The following CADM2 variants were observed in gnomAD, a reference collection of about 807,000 sequenced individuals.
CADM2 encodes the protein immunoglobulin superfamily member 4D.
CADM2 carries 12 observed loss-of-function variants against 49.8 expected under a neutral mutation model. The observed-to-expected ratio is 0.24, with a 90% CI of 0.15 to 0.39. The LOEUF is 0.39. Ranked by LOEUF, CADM2 falls within the 10% of genes least tolerant of loss-of-function variation. The pLI is 1.00. For missense variants in CADM2, 378 were observed against 492.3 expected (o/e 0.77, Z 2.20); for synonymous variants, 214 against 175.4 (o/e 1.22, Z -1.74).
At chr3:85,853,102 TA>T (rs1440961009) in intron 3 of CADM2, among the ~76,000 whole-genome samples, 1 of 151,336 alleles carries the variant, frequency 6.6e-6, no homozygotes, top group Non-Finnish European at 1.5e-5. Context: ...CAATCTTTCT[TA>T]AAAAAATTCT....
chr3:85,401,776 C>T (rs1055295455), intron 1 of CADM2, among the ~76,000 whole-genome samples: 1 of 152,064 alleles, frequency 6.6e-6, no homozygotes, highest in African/African-American at 2.4e-5. Flanking sequence ...CTCCCACCCC[C>T]GCCAAAAGTA....
intron 3 of CADM2, among the ~76,000 whole-genome samples, chr3:85,854,849 A>T (rs894190278): frequency 6.6e-6 from 1 of 152,138 alleles, no homozygotes; most frequent in Admixed American, 6.6e-5. Context: ...TCAGATCTCC[A>T]CCTGTCCTCC....
Position 85,255,945 on chromosome 3 carries a change from C to G in CADM2, c.61+296277C>G, listed in dbSNP as rs142084222. 5.2e-3 allele frequency among the ~76,000 whole-genome samples: 791 copies of G among 151,952 alleles called. 8 individuals are homozygous for G. Among genetic ancestry groups the G allele is most frequent in the African/African-American group, 0.018 (761 of 41,420 alleles). On this transcript the variant is annotated intron_variant, in intron 1 of 9. Transcript: ENST00000383699. ...TAATAGATATTTTGAAAATATCCAC[C>G]AGCTTTTAACATTTTTTTTTCCTGA...
chr3:85,421,705 C>T (rs1360271851), intron 1 of CADM2, among the ~76,000 whole-genome samples: 3 of 152,078 alleles, frequency 2.0e-5, no homozygotes, highest in African/African-American at 7.2e-5. Flanking sequence ...CTTCATTTAC[C>T]ATATTTACTC....
chr3:85,049,476 G>A (rs762885470), intron 1 of CADM2, among the ~76,000 whole-genome samples: 4 of 151,504 alleles, frequency 2.6e-5, no homozygotes, highest in African/African-American at 7.3e-5. Context: ...TCAGCCTCCC[G>A]AGTAACTGGG....
At chr3:85,213,119 G>T (rs1223858762) in intron 1 of CADM2, among the ~76,000 whole-genome samples, 1 of 151,900 alleles carries the variant, frequency 6.6e-6, no homozygotes, top group African/African-American at 2.4e-5. Flanking sequence ...CTGACCTCAG[G>T]TGATCTGCCT....
At chr3:85,742,871 A>G (rs2068452539) in intron 2 of CADM2, among the ~76,000 whole-genome samples, 1 of 152,116 alleles carries the variant, frequency 6.6e-6, no homozygotes, top group Non-Finnish European at 1.5e-5. Context: ...TCATTCTACA[A>G]TCTGTTTTCT....
intron 1 of CADM2, among the ~76,000 whole-genome samples, chr3:85,049,162 G>A (rs950973675): frequency 6.6e-6 from 1 of 152,060 alleles, no homozygotes; most frequent in Non-Finnish European, 1.5e-5. Flanking sequence ...GATCATTAGC[G>A]ATCTTAGTGG....
At chr3:85,607,946 C>A (rs112429362) in intron 1 of CADM2, among the ~76,000 whole-genome samples, 1 of 151,934 alleles carries the variant, frequency 6.6e-6, no homozygotes. Flanking sequence ...TGAGCCACCA[C>A]GCCCGGCCAA....
chr3:85,402,155 A>T (rs1020300323), intron 1 of CADM2, among the ~76,000 whole-genome samples: 7 of 152,120 alleles, frequency 4.6e-5, no homozygotes, highest in Non-Finnish European at 7.4e-5. Context: ...AATGTTTTAC[A>T]TAGATTTAAA....
At position 85,577,121 on chromosome 3, in the gene CADM2, A is replaced by AT. The variant is rs951166333; in HGVS notation, c.62-149393dup. On this transcript the variant is annotated intron_variant, in intron 1 of 9. Transcript: ENST00000383699. ...CTGAGTCTTTATCCGTTGATTCTCTATTTTTTTTCTTACAAAGGGTTTTCC... is the reference window on the plus strand; with the variant it reads ...CTGAGTCTTTATCCGTTGATTCTCTATTTTTTTTTCTTACAAAGGGTTTTCC... 2.6e-4 allele frequency among the ~76,000 whole-genome samples: 40 copies of AT among 152,034 alleles called. 1 individual carries two copies. In the East Asian group the frequency reaches 3.7e-3, roughly 14 times the overall value.
At chr3:85,442,088 T>C (rs2037227971) in intron 1 of CADM2, among the ~76,000 whole-genome samples, 1 of 152,058 alleles carries the variant, frequency 6.6e-6, no homozygotes, top group South Asian at 2.1e-4. Flanking sequence ...AATCTACCCA[T>C]TATTCAGATT....
At chr3:86,033,511 T>C (rs931439025) in intron 8 of CADM2, among the ~76,000 whole-genome samples, 1 of 151,600 alleles carries the variant, frequency 6.6e-6, no homozygotes, top group Non-Finnish European at 1.5e-5. Flanking sequence ...TGTGGGGAGT[T>C]TTATTTTAAC....
chr3:85,467,285 G>C (rs1262599796), intron 1 of CADM2, among the ~76,000 whole-genome samples: 2 of 152,034 alleles, frequency 1.3e-5, no homozygotes, highest in Non-Finnish European at 2.9e-5. Flanking sequence ...CTAGAATTTA[G>C]AGTTTTGGTA....
At chr3:85,656,364 C>T (rs535643936) in intron 1 of CADM2, among the ~76,000 whole-genome samples, 9 of 152,032 alleles carry the variant, frequency 5.9e-5, no homozygotes, top group Non-Finnish European at 7.4e-5. Context: ...CGCCTGTAAT[C>T]CTAGCACTTT....
intron 1 of CADM2, among the ~76,000 whole-genome samples, chr3:85,548,395 T>C (rs1326893332): frequency 1.3e-5 from 2 of 151,786 alleles, no homozygotes; most frequent in African/African-American, 4.8e-5. Context: ...AGCCTGTGGC[T>C]TTGCCTAAGG....
chr3:84,977,182 A>G (rs1334447522), intron 1 of CADM2, among the ~76,000 whole-genome samples: 1 of 152,010 alleles, frequency 6.6e-6, no homozygotes, highest in Non-Finnish European at 1.5e-5. Context: ...AGAATCTCCA[A>G]TGAAGAATTG....
At chr3:84,968,401 A>C (rs931100593) in intron 1 of CADM2, among the ~76,000 whole-genome samples, 22 of 152,028 alleles carry the variant, frequency 1.4e-4, no homozygotes, top group Admixed American at 3.3e-4. Context: ...ACGTGTCCTC[A>C]TTTCAAAGCC....
At chr3:85,452,140 T>G (rs977601212) in intron 1 of CADM2, among the ~76,000 whole-genome samples, 2 of 152,138 alleles carry the variant, frequency 1.3e-5, no homozygotes, top group Non-Finnish European at 2.9e-5. Context: ...CACAGGTTAT[T>G]ATTTTGTTTG....
Sources: allele counts gnomAD v4.1 joint callset (sites outside exome capture counted in the v4.1 genomes callset), GRCh38; gene constraint gnomAD v4.1.1; transcripts MANE v1.5; gene names NCBI Gene and HGNC (gene_info 2026-07-23, HGNC 2026-07-21).